The following FUT8 variants were observed in gnomAD, a reference collection of about 807,000 sequenced individuals.
FUT8 encodes fucosyltransferase 8.
Under a neutral mutation model 71.3 loss-of-function variants are expected in FUT8, and 29 were observed. That is an observed-to-expected ratio of 0.41 (90% CI 0.30 to 0.55). The LOEUF (loss-of-function observed/expected upper bound fraction) is 0.55, where lower values mean the gene tolerates loss of function less well. Ranked by LOEUF, FUT8 falls within the 20% of genes least tolerant of loss-of-function variation. The pLI, the probability that FUT8 is intolerant of heterozygous loss-of-function variation, is 0.34. For missense variants in FUT8, 544 were observed against 702.1 expected (o/e 0.77, Z 2.55); for synonymous variants, 254 against 239.3 (o/e 1.06, Z -0.57).
chr14:65,548,110 C>A (rs1015130466), intron 2 of FUT8, among the ~76,000 whole-genome samples: 1 of 151,852 alleles, frequency 6.6e-6, no homozygotes, highest in African/African-American at 2.4e-5. Context: ...CTGATATTTT[C>A]TTTTATTATT....
intron 7 of FUT8, among the ~76,000 whole-genome samples, chr14:65,678,628 A>G (rs1892881646): frequency 6.6e-6 from 1 of 152,226 alleles, no homozygotes; most frequent in Admixed American, 6.5e-5. Context: ...ATATAATACT[A>G]AGAGAAGCAA....
chr14:65,507,212 T>G (rs977650699), intron 2 of FUT8, among the ~76,000 whole-genome samples: 2 of 152,208 alleles, frequency 1.3e-5, no homozygotes, highest in Non-Finnish European at 2.9e-5. Context: ...TTATTACTAG[T>G]TTAATTTGTT....
chr14:65,468,258 T>C, intron 2 of FUT8: 2 of 624,066 alleles, frequency 3.2e-6, no homozygotes, highest in East Asian at 3.8e-5. Flanking sequence ...TTCGCATACA[T>C]GTGGCCAAAG....
chr14:65,419,403 G>T (rs1324481975), intron 1 of FUT8, among the ~76,000 whole-genome samples: 1 of 152,170 alleles, frequency 6.6e-6, no homozygotes, highest in African/African-American at 2.4e-5. Flanking sequence ...TCCACTCATG[G>T]GAGTACTGTT....
chr14:65,608,795 C>T (rs1888722548), intron 3 of FUT8, among the ~76,000 whole-genome samples: 2 of 151,974 alleles, frequency 1.3e-5, no homozygotes, highest in Admixed American at 1.3e-4. Context: ...ATAGCTATTG[C>T]TGCAGCTGCA....
chr14:65,632,452 T>G (rs1223239391), intron 6 of FUT8, among the ~76,000 whole-genome samples: 2 of 152,240 alleles, frequency 1.3e-5, no homozygotes, highest in African/African-American at 2.4e-5. Context: ...ACTGTGGTTT[T>G]GATTTACGTT....
chr14:65,707,139 G>A (rs759595267), intron 7 of FUT8, among the ~76,000 whole-genome samples: 1 of 152,036 alleles, frequency 6.6e-6, no homozygotes, highest in Admixed American at 6.6e-5. Flanking sequence ...GGTGTACAAG[G>A]GTTCCCTTTC....
intron 2 of FUT8, among the ~76,000 whole-genome samples, chr14:65,492,869 G>A (rs2066502390): frequency 6.6e-6 from 1 of 152,098 alleles, no homozygotes; most frequent in African/African-American, 2.4e-5. Flanking sequence ...TTTACCACAA[G>A]TGGCAAAGTA....
Position 65,529,896 on chromosome 14 carries a change from A to T in FUT8, c.-227-31441A>T, listed in dbSNP as rs1883818812. 5.3e-5 allele frequency among the ~76,000 whole-genome samples: 8 copies of T among 152,196 alleles called. No individual in the cohort carries two copies. In the South Asian group the frequency reaches 1.7e-3, roughly 32 times the overall value. The stretch of plus-strand genomic sequence containing the variant: ...TGACTCTCTGTTGGATGTCCCAAGG[A>T]TTCATTGAGGACTCTGTCTTGCCTG... On this transcript the variant is annotated intron_variant, in intron 2 of 10. Transcript: ENST00000673929.
intron 3 of FUT8, among the ~76,000 whole-genome samples, chr14:65,613,690 A>G (rs2140213564): frequency 6.6e-6 from 1 of 152,358 alleles, no homozygotes; most frequent in Non-Finnish European, 1.5e-5. Context: ...TATAGCTGTA[A>G]CAATAGCTAC....
chr14:65,453,421 C>T (rs1008969565), intron 1 of FUT8, among the ~76,000 whole-genome samples: 1 of 152,142 alleles, frequency 6.6e-6, no homozygotes, highest in Non-Finnish European at 1.5e-5. Flanking sequence ...TTAATTTTCC[C>T]CACTACTGAG....
At chr14:65,704,261 C>T (rs927335829) in intron 7 of FUT8, among the ~76,000 whole-genome samples, 3 of 152,050 alleles carry the variant, frequency 2.0e-5, no homozygotes, top group African/African-American at 7.2e-5. Flanking sequence ...TGATGGCATA[C>T]CTGCTTATTC....
the FUT8 span, among the ~76,000 whole-genome samples, chr14:65,371,355 A>G: frequency 1.3e-5 from 2 of 152,224 alleles, no homozygotes; most frequent in South Asian, 4.1e-4. Context: ...ACCATAATAA[A>G]GCTGTGAAAA....
chr14:65,370,878 C>CA, the FUT8 span, among the ~76,000 whole-genome samples: 1 of 152,108 alleles, frequency 6.6e-6, no homozygotes, highest in Non-Finnish European at 1.5e-5. Context: ...GACTTTTTAA[C>CA]ATTTGAACAA....
intron 3 of FUT8, among the ~76,000 whole-genome samples, chr14:65,584,949 G>C (rs1887295567): frequency 6.6e-6 from 1 of 152,126 alleles, no homozygotes; most frequent in African/African-American, 2.4e-5. Context: ...TAAGACAATA[G>C]TACGTATTGC....
chr14:65,665,908 C>T (rs760462538), intron 6 of FUT8, among the ~76,000 whole-genome samples: 22 of 152,042 alleles, frequency 1.4e-4, no homozygotes, highest in Middle Eastern at 3.4e-3. Context: ...CAGATGGGCA[C>T]CACAGACACT....
intron 3 of FUT8, among the ~76,000 whole-genome samples, chr14:65,604,828 C>A (rs1888487596): frequency 1.3e-5 from 2 of 151,872 alleles, no homozygotes. Context: ...ACTTCTTAAT[C>A]CCACTTTCCT....
intron 1 of FUT8, among the ~76,000 whole-genome samples, chr14:65,433,745 A>G (rs544783531): frequency 2.0e-5 from 3 of 150,696 alleles, no homozygotes; most frequent in African/African-American, 4.9e-5. Flanking sequence ...TACTGTTGTT[A>G]TATGTGGCTT....
chr14:65,512,622 A>G (rs752705271), intron 2 of FUT8, among the ~76,000 whole-genome samples: 4 of 151,890 alleles, frequency 2.6e-5, no homozygotes, highest in Non-Finnish European at 5.9e-5. Flanking sequence ...TGAAATTGTG[A>G]TATTTTTGCC....
Sources: allele counts gnomAD v4.1 joint callset (sites outside exome capture counted in the v4.1 genomes callset), GRCh38; gene constraint gnomAD v4.1.1; transcripts MANE v1.5; gene names NCBI Gene and HGNC (gene_info 2026-07-23, HGNC 2026-07-21).